The following CD96 variants were observed in gnomAD, a reference collection of about 807,000 sequenced individuals.
CD96 encodes CD96 molecule.
Under a neutral mutation model 71.3 loss-of-function variants are expected in CD96, and 70 were observed. The observed-to-expected ratio is 0.98, with a 90% CI of 0.81 to 1.20. CD96 has a LOEUF of 1.20. CD96 is among the 50% of genes most tolerant of loss of function. The pLI is 0.00. For synonymous variants in CD96, 248 were observed against 233.0 expected (o/e 1.06, Z -0.59); for missense variants, 742 against 677.5 (o/e 1.10, Z -1.06).
intron 10 of CD96, among the ~76,000 whole-genome samples, chr3:111,626,545 G>A (rs180719261): frequency 2.5e-4 from 38 of 152,188 alleles, no homozygotes; most frequent in Non-Finnish European, 4.4e-4. Flanking sequence ...AGCTGAATAT[G>A]TGCATACCTA....
intron 2 of CD96, among the ~76,000 whole-genome samples, chr3:111,564,561 A>G (rs1224803321): frequency 1.3e-5 from 2 of 152,096 alleles, no homozygotes; most frequent in Admixed American, 1.3e-4. Context: ...ACTTTCCAAA[A>G]TTGTGCACAA....
chr3:111,570,748 C>A, intron 3 of CD96: 2 of 1,613,430 alleles, frequency 1.2e-6, no homozygotes, highest in South Asian at 2.2e-5. Context: ...TACTCTTCCT[C>A]CTCCTCCCCC....
chr3:111,554,236 T>C (rs1934871629), intron 2 of CD96, among the ~76,000 whole-genome samples: 2 of 152,122 alleles, frequency 1.3e-5, no homozygotes, highest in Admixed American at 6.5e-5. Context: ...GGTATTCACC[T>C]GTCTTCCAAT....
In CD96 at chr3:111,594,080, G is replaced by A. The variant is rs1937135819; in HGVS notation, c.808-4040G>A. The A allele has an allele frequency of 1.9e-6, 3 of 1,614,028 alleles. No homozygotes were observed. Among genetic ancestry groups the A allele is most frequent in the Admixed American group, 1.7e-5 (1 of 59,988 alleles). On this transcript the variant is annotated intron_variant, in intron 5 of 13. Transcript: ENST00000352690. ...GTTGTGGGGCATTGGAGTGGGCATA[G>A]CACTCACAAAAGGGCCAACCAGTTC...
chr3:111,623,366 C>T (rs1004105096), intron 8 of CD96, among the ~76,000 whole-genome samples: 5 of 152,120 alleles, frequency 3.3e-5, no homozygotes, highest in East Asian at 1.9e-4. Context: ...TGTGAAGATA[C>T]GGTTTTCACA....
intron 3 of CD96, among the ~76,000 whole-genome samples, chr3:111,574,050 G>A (rs1461782003): frequency 3.3e-5 from 5 of 152,162 alleles, no homozygotes; most frequent in Non-Finnish European, 5.9e-5. Flanking sequence ...ATAAATGGAG[G>A]AAATGTGAAG....
At chr3:111,661,396 C>G (rs538549816) in intron 14 of CD96, among the ~76,000 whole-genome samples, 1 of 152,336 alleles carries the variant, frequency 6.6e-6, no homozygotes, top group East Asian at 1.9e-4. Flanking sequence ...TACAATCATG[C>G]CTTCCTAGCA....
intron 2 of CD96, among the ~76,000 whole-genome samples, chr3:111,550,922 A>G (rs1041904171): frequency 6.6e-6 from 1 of 152,198 alleles, no homozygotes; most frequent in African/African-American, 2.4e-5. Context: ...GGGCATTAAA[A>G]AGTACATAGT....
At chr3:111,570,612 T>A (rs374211036) in intron 3 of CD96, 5 of 1,572,308 alleles carry the variant, frequency 3.2e-6, no homozygotes, top group East Asian at 2.3e-5. Context: ...AGGTGAGATG[T>A]GAGACACCAG....
intron 7 of CD96, among the ~76,000 whole-genome samples, chr3:111,602,516 A>C (rs780238709): frequency 6.6e-6 from 1 of 152,176 alleles, no homozygotes; most frequent in Non-Finnish European, 1.5e-5. Context: ...TTAGGAGTTC[A>C]GTTTCTCAAA....
At chr3:111,654,534 C>A (rs1242028705), downstream of CD96, among the ~76,000 whole-genome samples, 2 of 152,200 alleles carry the variant, frequency 1.3e-5, no homozygotes, top group Non-Finnish European at 2.9e-5. Context: ...ATCTTTGTAT[C>A]CTCCAATCTC....
At chr3:111,653,199 C>G (rs1450295880), downstream of CD96, among the ~76,000 whole-genome samples, 1 of 152,174 alleles carries the variant, frequency 6.6e-6, no homozygotes. Flanking sequence ...GACTAGCCTA[C>G]TGTGCCAAGA....
rs1010529388 is a variant in CD96 at position 111,629,478 on chromosome 3, A to T, written c.1321+5074A>T. On this transcript the variant is annotated intron_variant, in intron 10 of 13. Coordinates refer to ENST00000352690, the MANE Select transcript of CD96 (RefSeq NM_005816.5). ...ACAAGAAGACCTAATTGTCCTAAAC[A>T]TATATGCACACATACAGGAGCACTC... Among the ~76,000 whole-genome samples, 4 of 152,364 alleles carry T rather than the reference A, an allele frequency of 2.6e-5. No homozygotes were observed. The East Asian group carries it at 5.8e-4, about 22-fold the overall frequency.
At chr3:111,569,365 A>G (rs1219549472) in intron 3 of CD96, among the ~76,000 whole-genome samples, 1 of 152,220 alleles carries the variant, frequency 6.6e-6, no homozygotes, top group Non-Finnish European at 1.5e-5. Flanking sequence ...CTGCCCTTTT[A>G]TAGGATTTGC....
At chr3:111,562,310 C>T (rs1935490191) in intron 2 of CD96, among the ~76,000 whole-genome samples, 1 of 152,056 alleles carries the variant, frequency 6.6e-6, no homozygotes, top group Admixed American at 6.5e-5. Flanking sequence ...ACCTTTTTTC[C>T]TTATTATGGG....
In CD96 at chr3:111,585,323, C is replaced by A. The variant is rs768181857; in HGVS notation, c.752C>A (p.Ala251Asp). Reference sequence around the variant, plus strand: ...TAACTATGTTTTATTTGCCTTTAAGCTAAACCAGAAATCCCTGTGATTGTG... The same window carrying A: ...TAACTATGTTTTATTTGCCTTTAAGATAAACCAGAAATCCCTGTGATTGTG... ...LRSSTTVKVF[A>D]KPEIPVIVEN... is the part of the protein sequence containing the mutation. The change falls in exon 5 of 14, where the codon GCT becomes GAT. Residue 251 changes from alanine (A) to aspartate (D), a missense_variant and splice_region_variant. Physicochemically the swap from Ala to Asp is moderately radical, Grantham distance 126 (BLOSUM62 -2). Coordinates refer to ENST00000352690, the MANE Select transcript of CD96 (RefSeq NM_005816.5). The A allele has an allele frequency of 6.2e-7, 1 of 1,607,850 alleles. No individual in the cohort carries two copies. Among genetic ancestry groups the A allele is most frequent in the South Asian group, 1.1e-5 (1 of 90,968 alleles).
rs180700217 is a variant in CD96 at position 111,619,586 on chromosome 3, C to T, written c.1181-4168C>T. Among the ~76,000 whole-genome samples, 3 of 152,294 alleles carry T rather than the reference C, an allele frequency of 2.0e-5. No individual in the cohort carries two copies. The East Asian group carries it at 5.8e-4, about 29-fold the overall frequency. ...CTACATAGTATCTCATGATTTAGAA[C>T]ACACTATTGAATATTGAAGAGATTT... On this transcript the variant is annotated intron_variant, in intron 8 of 13. Transcript: ENST00000352690.
intron 12 of CD96, among the ~76,000 whole-genome samples, chr3:111,646,495 A>T (rs956772318): frequency 1.3e-5 from 2 of 152,094 alleles, no homozygotes; most frequent in Non-Finnish European, 1.5e-5. Flanking sequence ...TAAAACCACG[A>T]TAAGATACCA....
intron 8 of CD96, 56 bp from the exon 9 acceptor site, chr3:111,623,698 T>C (rs1483977184): frequency 9.2e-6 from 10 of 1,088,432 alleles, no homozygotes; most frequent in African/African-American, 4.7e-5. Flanking sequence ...AGTGGCACAG[T>C]TAAACATACG....
Sources: gnomAD v4.1 joint callset for allele counts (sites outside exome capture counted in the v4.1 genomes callset) on GRCh38, gnomAD v4.1.1 for gene constraint, MANE v1.5 for transcripts, NCBI Gene and HGNC (gene_info 2026-07-23, HGNC 2026-07-21) for gene names.